The following CSF2RB variants were observed in gnomAD, a reference collection of about 807,000 sequenced individuals.
CSF2RB encodes cytokine receptor common subunit beta.
Under a neutral mutation model 67.2 loss-of-function variants are expected in CSF2RB, and 22 were observed. That is an observed-to-expected ratio of 0.33 (90% CI 0.23 to 0.47). CSF2RB has a LOEUF of 0.47. Among genes scored for constraint, CSF2RB ranks in the 20% least tolerant of loss-of-function variants. The pLI, the probability that CSF2RB is intolerant of heterozygous loss-of-function variation, is 1.00. For synonymous variants in CSF2RB, 507 were observed against 482.9 expected, an observed-to-expected ratio of 1.05 and a Z score of -0.65; for missense variants, 1,113 against 1,174.5, an observed-to-expected ratio of 0.95 and a Z score of 0.76.
Position 36,937,466 on chromosome 22 carries a change from A to G in CSF2RB, c.1658A>G (p.Asp553Gly). 1.2e-6 allele frequency: 2 copies of G among 1,614,004 alleles called. No individual in the cohort carries two copies. Among genetic ancestry groups the G allele is most frequent in the Non-Finnish European group, 1.7e-6 (2 of 1,179,964 alleles). Reference protein sequence around the residue: ...KHVCDPPSGPDTTPAASDLPT... With the variant: ...KHVCDPPSGPGTTPAASDLPT... ...GTCTGTGATCCACCATCTGGGCCTG[A>G]CACGACTCCAGCTGCCTCAGATCTA... The change falls in exon 14 of 14, where the codon GAC becomes GGC. Residue 553 changes from aspartate (D) to glycine (G), a missense_variant. Physicochemically the swap from Asp to Gly is moderately conservative, Grantham distance 94. This residue lies in a region of CSF2RB where 554 missense variants were observed against 517.9 expected (regional missense o/e 1.07). Transcript: ENST00000403662. This position sits in a 1 kb window ranked among gnomAD's most constrained non-coding sequence, Gnocchi z 4.6.
At chr22:36,929,840 G>A in intron 6 of CSF2RB, 33 bp downstream of exon 6, 1 of 1,605,918 alleles carries the variant, frequency 6.2e-7, no homozygotes, top group Non-Finnish European at 8.5e-7. Context: ...AATGCCCCGT[G>A]GTGGGAGGGC....
chr22:36,926,213 C>G (rs768923587), intron 4 of CSF2RB, 36 bp downstream of exon 4: 3 of 1,607,310 alleles, frequency 1.9e-6, no homozygotes, highest in Non-Finnish European at 1.7e-6. Context: ...GGCTTGGTTT[C>G]CTGTGTGGAC....
At chr22:36,920,077 A>T (rs1940819883) in intron 1 of CSF2RB, among the ~76,000 whole-genome samples, 1 of 152,148 alleles carries the variant, frequency 6.6e-6, no homozygotes, top group Non-Finnish European at 1.5e-5. Flanking sequence ...CTGTTTTCTC[A>T]TCTACGAAGT....
chr22:36,932,283 A>T (rs184034848), intron 8 of CSF2RB, among the ~76,000 whole-genome samples: 93 of 152,248 alleles, frequency 6.1e-4, no homozygotes, highest in Middle Eastern at 3.4e-3. Flanking sequence ...GAAAATACAA[A>T]AATTAGCTGG....
At chr22:36,929,179 G>A (rs1418124968) in intron 4 of CSF2RB, among the ~76,000 whole-genome samples, 1 of 152,194 alleles carries the variant, frequency 6.6e-6, no homozygotes, top group Non-Finnish European at 1.5e-5. Flanking sequence ...GGTCACGTGC[G>A]CATTGCAATC....
Position 36,922,280 on chromosome 22 carries a change from G to A in CSF2RB, c.73G>A (p.Glu25Lys). ...LCWERSLAGA[E>K]ETIPLQTLRC... ...CTGGGAGCGCAGCCTGGCAGGGGCAGAAGGTGAGTCCCGTGGCTCCCACCC... is the reference window on the plus strand; with the variant it reads ...CTGGGAGCGCAGCCTGGCAGGGGCAAAAGGTGAGTCCCGTGGCTCCCACCC... The change falls in exon 2 of 14, where the codon GAA (glutamate) becomes AAA (lysine). Residue 25 changes from glutamate to lysine, a missense_variant. Transcript: ENST00000403662. The A allele has an allele frequency of 6.4e-7, 1 of 1,574,500 alleles. No individual in the cohort carries two copies. The highest frequency in any genetic ancestry group is 8.6e-7 in the Non-Finnish European group (1 of 1,160,118).
chr22:36,929,213 T>C (rs1402993067), intron 4 of CSF2RB, among the ~76,000 whole-genome samples, 189 bp from the exon 5 acceptor site: 4 of 152,214 alleles, frequency 2.6e-5, no homozygotes, highest in African/African-American at 7.2e-5. Context: ...ATTGCTTTCA[T>C]GTTGAAACCC....
intron 4 of CSF2RB, 37 bp downstream of exon 4, chr22:36,926,214 C>T: frequency 6.2e-7 from 1 of 1,607,152 alleles, no homozygotes; most frequent in Non-Finnish European, 8.5e-7. Context: ...GCTTGGTTTC[C>T]TGTGTGGACA....
In CSF2RB at chr22:36,930,306, G is replaced by A. The variant is rs770339493; in HGVS notation, c.719-69G>A. On this transcript the variant is annotated intron_variant, in intron 6 of 13. Transcript: ENST00000403662. Reference sequence around the variant, plus strand: ...ATGACCTCTGTGTGATGAATCACACGGTGGGCACCCACTGAGAGCTATGGG... The same window carrying A: ...ATGACCTCTGTGTGATGAATCACACAGTGGGCACCCACTGAGAGCTATGGG... The A allele has an allele frequency of 2.6e-5, 42 of 1,605,460 alleles. No individual in the cohort carries two copies. The African/African-American group carries it at 2.8e-4, about 11-fold the overall frequency.
intron 1 of CSF2RB, among the ~76,000 whole-genome samples, chr22:36,921,325 CTCTGTGTGTGTG>C (rs1940864068): frequency 6.8e-6 from 1 of 147,464 alleles, no homozygotes; most frequent in African/African-American, 2.5e-5. Flanking sequence ...CTGTGTCTGC[CTCTGTGTGTGTG>C]TCTGTGTGTG....
chr22:36,936,411 G>A (rs1013534888), intron 12 of CSF2RB, 138 bp from the exon 13 acceptor site: 14 of 725,876 alleles, frequency 1.9e-5, no homozygotes, highest in African/African-American at 1.9e-4. Context: ...TCAAAAGGCC[G>A]TGGCCAGTCC....
intron 4 of CSF2RB, among the ~76,000 whole-genome samples, chr22:36,927,293 A>T (rs1249885205): frequency 6.6e-6 from 1 of 152,184 alleles, no homozygotes; most frequent in Non-Finnish European, 1.5e-5. Context: ...AATGGAGCTC[A>T]GGGGGCCCAG....
At chr22:36,929,202 C>T (rs1941091280) in intron 4 of CSF2RB, among the ~76,000 whole-genome samples, 200 bp from the exon 5 acceptor site, 2 of 152,202 alleles carry the variant, frequency 1.3e-5, no homozygotes, top group Admixed American at 6.5e-5. Flanking sequence ...CACGGCTTTC[C>T]ATTGCTTTCA....
intron 1 of CSF2RB, among the ~76,000 whole-genome samples, chr22:36,919,855 T>C (rs894929705): frequency 2.6e-4 from 39 of 152,324 alleles, no homozygotes; most frequent in African/African-American, 8.9e-4. Context: ...ATGTACTCTT[T>C]TATTTTTGCT....
At chr22:36,924,441 T>C (rs1420537302) in intron 3 of CSF2RB, among the ~76,000 whole-genome samples, 1 of 152,110 alleles carries the variant, frequency 6.6e-6, no homozygotes, top group Non-Finnish European at 1.5e-5. Flanking sequence ...CCAATTGCCT[T>C]GCAAACCTGC....
chr22:36,938,941 G>A lies in CSF2RB; in HGVS notation c.*439G>A. 1 of 598,484 alleles carries A rather than the reference G, an allele frequency of 1.7e-6. No homozygotes were observed. The highest frequency in any genetic ancestry group is 3.0e-6 in the Non-Finnish European group (1 of 334,904). The allele number at this position is 598,484 out of a possible 1,614,324, so 37.1% of individuals were successfully genotyped here. A position where few individuals can be genotyped will look rare whatever the true frequency, so the allele number is the denominator to read the frequency against. ...GTTGTGTTGAGGACTTGTGTGGGCTGCCTGTCCCCGGCAGTCGCTGATGCA... is the reference window on the plus strand; with the variant it reads ...GTTGTGTTGAGGACTTGTGTGGGCTACCTGTCCCCGGCAGTCGCTGATGCA... On this transcript the variant is annotated 3_prime_UTR_variant, in exon 14 of 14. Transcript: ENST00000403662.
At chr22:36,914,272 C>G (rs77294419) in intron 1 of CSF2RB, among the ~76,000 whole-genome samples, 3,223 of 152,166 alleles carry the variant, frequency 0.021, 60 homozygotes, top group South Asian at 0.058. Context: ...AGGGTGAAAC[C>G]TGGAAGCTTG....
rs1186098513 is a variant in CSF2RB at position 36,938,344 on chromosome 22, C to G, written c.2536C>G (p.Pro846Ala). The change falls in exon 14 of 14, where the codon CCT (proline) becomes GCT (alanine). Residue 846 changes from proline (P) to alanine (A), a missense_variant. Around this residue, in one of 2 missense-constraint regions of CSF2RB, gnomAD observed 554 missense variants for 517.9 expected, o/e 1.07. Coordinates refer to ENST00000403662, the MANE Select transcript of CSF2RB (RefSeq NM_000395.3). ...TAAACCTTCTTCCCCGGGACCCGGTCCTGAGATCAAGAACCTAGACCAGGC... is the reference window on the plus strand; with the variant it reads ...TAAACCTTCTTCCCCGGGACCCGGTGCTGAGATCAAGAACCTAGACCAGGC... Reference protein sequence around the residue: ...RSKPSSPGPGPEIKNLDQAFQ... With the variant: ...RSKPSSPGPGAEIKNLDQAFQ... The G allele has an allele frequency of 1.2e-6, 2 of 1,614,212 alleles. No homozygotes were observed. The highest frequency in any genetic ancestry group is 1.3e-5 in the African/African-American group (1 of 75,048).
rs775669271 is a variant in CSF2RB at position 36,926,146 on chromosome 22, C to A, written c.360C>A (p.Gly120=). The change falls in exon 4 of 14, where the codon GGC becomes GGA. Residue 120 remains glycine, a synonymous_variant. Coordinates refer to ENST00000403662, the MANE Select transcript of CSF2RB (RefSeq NM_000395.3). The part of the protein sequence containing the change: ...YFSFQPDRPL[G]TRLTVTLTQH... ...CATTCCAACCAGACAGGCCTCTGGG[C>A]ACCCGGCTCACCGTCACTCTGACCC... is the stretch of plus-strand genomic sequence containing the variant. 1 of 1,614,154 alleles carries A rather than the reference C, an allele frequency of 6.2e-7. No homozygotes were observed. Among genetic ancestry groups the A allele is most frequent in the East Asian group, 2.2e-5 (1 of 44,892 alleles).
Sources: gnomAD v4.1 joint callset for allele counts (sites outside exome capture counted in the v4.1 genomes callset) on GRCh38, gnomAD v4.1.1 for gene constraint, gnomAD v4.1.1 regional missense constraint, Gnocchi (gnomAD v3.1) non-coding constraint, MANE v1.5 for transcripts, NCBI Gene and HGNC (gene_info 2026-07-23, HGNC 2026-07-21) for gene names.